The following COL25A1 variants were observed in gnomAD, a reference collection of about 807,000 sequenced individuals.
The protein encoded by COL25A1 is collagen type XXV alpha 1 chain.
In COL25A1, 103 loss-of-function variants were observed where a neutral mutation model predicts 128.4. The observed-to-expected ratio is 0.80, with a 90% CI of 0.68 to 0.94. COL25A1 has a LOEUF of 0.94. COL25A1 is among the 40% of genes least tolerant of loss of function. The pLI is 0.00. For synonymous variants in COL25A1, 279 were observed against 277.2 expected (o/e 1.01, Z -0.06); for missense variants, 745 against 840.0 (o/e 0.89, Z 1.40).
chr4:108,880,388 G>A (rs893956911), intron 19 of COL25A1, among the ~76,000 whole-genome samples: 4 of 152,168 alleles, frequency 2.6e-5, no homozygotes, highest in East Asian at 1.9e-4. Context: ...TCCACTCATC[G>A]CTGCAAAGGA....
chr4:109,241,645 C>G (rs775975199), intron 3 of COL25A1, among the ~76,000 whole-genome samples: 42 of 150,244 alleles, frequency 2.8e-4, no homozygotes, highest in Non-Finnish European at 5.0e-4. Context: ...AAAAAAATTG[C>G]TTGAGGAATA....
At chr4:108,891,387 C>A (rs527271806) in intron 16 of COL25A1, among the ~76,000 whole-genome samples, 2 of 152,176 alleles carry the variant, frequency 1.3e-5, no homozygotes, top group African/African-American at 4.8e-5. Flanking sequence ...AGACTGATTT[C>A]TCTTGCCAAT....
At chr4:109,091,962 T>C (rs1317038415) in intron 3 of COL25A1, among the ~76,000 whole-genome samples, 1 of 152,172 alleles carries the variant, frequency 6.6e-6, no homozygotes, top group Non-Finnish European at 1.5e-5. Flanking sequence ...ACGCAGACTC[T>C]TAAAACATTT....
At chr4:108,869,276 C>A (rs1189525517) in intron 19 of COL25A1, 126 bp from the exon 20 acceptor site, 1 of 570,072 alleles carries the variant, frequency 1.8e-6, no homozygotes, top group Non-Finnish European at 3.0e-6. Flanking sequence ...TTGTATACAG[C>A]TTTCTTGCCG....
intron 3 of COL25A1, among the ~76,000 whole-genome samples, chr4:109,070,360 ATC>A (rs1233269209): frequency 9.7e-6 from 1 of 103,420 alleles, no homozygotes; most frequent in East Asian, 3.1e-4. Context: ...ACATTTTTTA[ATC>A]TTTTTTTTTT....
intron 6 of COL25A1, 61 bp from the exon 7 acceptor site, chr4:108,974,620 T>G: frequency 7.6e-7 from 1 of 1,314,682 alleles, no homozygotes. Context: ...ACTGAATAGA[T>G]CAGCCAGGTT....
chr4:108,906,399 G>A (rs1386624442), intron 13 of COL25A1, among the ~76,000 whole-genome samples: 1 of 151,956 alleles, frequency 6.6e-6, no homozygotes, highest in Non-Finnish European at 1.5e-5. Flanking sequence ...CTTACTACAG[G>A]GGTTACCCCT....
At chr4:108,838,553 C>T (rs1734071256) in intron 31 of COL25A1, among the ~76,000 whole-genome samples, 1 of 152,146 alleles carries the variant, frequency 6.6e-6, no homozygotes, top group African/African-American at 2.4e-5. Context: ...AAAACCCACT[C>T]TGCTGGAATG....
intron 3 of COL25A1, among the ~76,000 whole-genome samples, chr4:109,074,041 G>A (rs984215499): frequency 5.9e-5 from 9 of 152,176 alleles, no homozygotes; most frequent in African/African-American, 2.2e-4. Flanking sequence ...AGGGTGGGTG[G>A]CTGTGGTTTT....
intron 3 of COL25A1, among the ~76,000 whole-genome samples, chr4:109,243,010 T>C (rs920689951): frequency 5.3e-5 from 8 of 152,114 alleles, no homozygotes; most frequent in Non-Finnish European, 7.4e-5. Flanking sequence ...CCAGACTTCG[T>C]CATCCTACAT....
At chr4:108,985,924 C>G (rs1753626012) in intron 6 of COL25A1, among the ~76,000 whole-genome samples, 1 of 152,172 alleles carries the variant, frequency 6.6e-6, no homozygotes, top group Admixed American at 6.5e-5. Context: ...ATTCTCAAAC[C>G]AAATTTCTCA....
At chr4:108,984,586 T>C (rs1170295299) in intron 6 of COL25A1, among the ~76,000 whole-genome samples, 1 of 152,182 alleles carries the variant, frequency 6.6e-6, no homozygotes, top group Non-Finnish European at 1.5e-5. Flanking sequence ...CAGCAGCTGC[T>C]GGCCCAGGTG....
At chr4:109,198,294 T>TCTCA (rs147120620) in intron 3 of COL25A1, among the ~76,000 whole-genome samples, 1 of 143,946 alleles carries the variant, frequency 6.9e-6, no homozygotes, top group Non-Finnish European at 1.5e-5. Context: ...GCATATTCAT[T>TCTCA]CACACACACA....
intron 3 of COL25A1, among the ~76,000 whole-genome samples, chr4:109,266,038 G>C (rs1233854946): frequency 6.6e-6 from 1 of 151,902 alleles, no homozygotes; most frequent in Non-Finnish European, 1.5e-5. Context: ...TTTAAAACAG[G>C]TCGACTCTTG....
intron 6 of COL25A1, among the ~76,000 whole-genome samples, chr4:108,983,329 T>TG (rs1753221244): frequency 6.6e-6 from 1 of 152,204 alleles, no homozygotes; most frequent in African/African-American, 2.4e-5. Flanking sequence ...TTACAGCTAA[T>TG]GGTGCAATCT....
chr4:109,105,770 G>T (rs1766370833), intron 3 of COL25A1, among the ~76,000 whole-genome samples: 2 of 152,184 alleles, frequency 1.3e-5, no homozygotes, highest in Non-Finnish European at 2.9e-5. Flanking sequence ...CAAGGAAACA[G>T]AAGGTAAAGA....
chr4:108,829,607 A>G (rs1263812831), intron 32 of COL25A1, among the ~76,000 whole-genome samples: 2 of 151,912 alleles, frequency 1.3e-5, no homozygotes, highest in Admixed American at 6.5e-5. Flanking sequence ...TTATTTTGAT[A>G]TAACCATTCC....
At chr4:108,954,378 C>T (rs1485195317) in intron 8 of COL25A1, among the ~76,000 whole-genome samples, 1 of 152,040 alleles carries the variant, frequency 6.6e-6, no homozygotes, top group Non-Finnish European at 1.5e-5. Flanking sequence ...GTATCACATG[C>T]TATCATGTTT....
chr4:108,882,728 CT>C (rs1740279398), intron 19 of COL25A1, among the ~76,000 whole-genome samples: 1 of 152,046 alleles, frequency 6.6e-6, no homozygotes, highest in African/African-American at 2.4e-5. Flanking sequence ...TAGAGTGTTA[CT>C]TTTTCACCAA....
Sources: gnomAD v4.1 joint callset for allele counts (sites outside exome capture counted in the v4.1 genomes callset) on GRCh38, gnomAD v4.1.1 for gene constraint, MANE v1.5 for transcripts, NCBI Gene and HGNC (gene_info 2026-07-23, HGNC 2026-07-21) for gene names.